Variants in GK5 observed in about 807,000 individuals in gnomAD.
GK5 encodes ATP:glycerol 3-phosphotransferase 5.
A neutral mutation model predicts 77.3 loss-of-function variants in GK5; 39 were observed. That is an observed-to-expected ratio of 0.50 (90% CI 0.39 to 0.66). GK5 has a LOEUF of 0.66. Ranked by LOEUF, GK5 falls within the 30% of genes least tolerant of loss-of-function variation. The pLI is 0.00. For synonymous variants in GK5, 211 were observed against 208.0 expected (o/e 1.01, Z -0.13); for missense variants, 487 against 633.8 (o/e 0.77, Z 2.49).
intron 4 of GK5, among the ~76,000 whole-genome samples, chr3:142,200,625 A>C (rs545134893): frequency 6.6e-6 from 1 of 152,350 alleles, no homozygotes; most frequent in Admixed American, 6.5e-5. Context: ...TATACACCCT[A>C]CACTATTCTC....
rs1342546449 is a variant in GK5, at chr3:142,159,851, C to CTTTTTTTTTTTT, written c.*5770_*5771insAAAAAAAAAAAA. On this transcript the variant is annotated 3_prime_UTR_variant, in exon 16 of 16. Coordinates refer to ENST00000392993, the MANE Select transcript of GK5 (RefSeq NM_001039547.3). Reference sequence around the variant, plus strand: ...GCTTTCTCTCTCTCTCTCTCTCTCTCTCTTTTTTTTTTTTGAGACAGAGTC... The same window carrying CTTTTTTTTTTTT: ...GCTTTCTCTCTCTCTCTCTCTCTCTCTTTTTTTTTTTTTCTTTTTTTTTTTTGAGACAGAGTC... 2 of 86,978 alleles carry CTTTTTTTTTTTT rather than the reference C, an allele frequency of 2.3e-5. No homozygotes were observed. Among genetic ancestry groups the CTTTTTTTTTTTT allele is most frequent in the African/African-American group, 9.0e-5 (2 of 22,114 alleles). The allele number at this position is 86,978 out of a possible 1,614,324, so 5.4% of individuals were successfully genotyped here. A position where few individuals can be genotyped will look rare whatever the true frequency, so the allele number is the denominator to read the frequency against.
chr3:142,171,239 T>C (rs543068124), intron 14 of GK5, among the ~76,000 whole-genome samples, 180 bp downstream of exon 14: 1 of 144,080 alleles, frequency 6.9e-6, no homozygotes, highest in Admixed American at 6.8e-5. Flanking sequence ...TCGATAAAAA[T>C]ACAAATTAAA....
rs148120458 is a variant in GK5 at position 142,165,694 on chromosome 3, T to C, written c.1518A>G (p.Gln506=). 68 of 1,613,428 alleles carry C rather than the reference T, an allele frequency of 4.2e-5. No homozygotes were observed. Among genetic ancestry groups the C allele is most frequent in the Non-Finnish European group, 5.7e-5 (67 of 1,179,586 alleles). ...AGTTTTCCAGACTCATTTCATATTCTTGACATTTCTTCTGTGGCTTGAAAA... is the reference window on the plus strand; with the variant it reads ...AGTTTTCCAGACTCATTTCATATTCCTGACATTTCTTCTGTGGCTTGAAAA... The part of the protein sequence containing the change: ...EVVFKPQKKC[Q]EYEMSLENWA... The change falls in exon 16 of 16, where the codon CAA becomes CAG. Residue 506 remains glutamine (Q), a synonymous_variant. Coordinates refer to ENST00000392993, the MANE Select transcript of GK5 (RefSeq NM_001039547.3).
intron 1 of GK5, among the ~76,000 whole-genome samples, chr3:142,217,631 C>T (rs2064290667): frequency 6.6e-6 from 1 of 152,064 alleles, no homozygotes; most frequent in Admixed American, 6.6e-5. Context: ...CTAAAAGCTG[C>T]CCAAGTTCAG....
At chr3:142,208,523 C>T (rs1410150450) in intron 3 of GK5, among the ~76,000 whole-genome samples, 1 of 152,176 alleles carries the variant, frequency 6.6e-6, no homozygotes, top group African/African-American at 2.4e-5. Context: ...GTTCAGTTTT[C>T]CCAGCACCAT....
At chr3:142,179,138 T>G (rs2063660680) in intron 11 of GK5, among the ~76,000 whole-genome samples, 1 of 152,228 alleles carries the variant, frequency 6.6e-6, no homozygotes, top group African/African-American at 2.4e-5. Flanking sequence ...ATTGCTGGCT[T>G]TAGAGAGCCT....
chr3:142,167,363 G>A (rs968804883), intron 15 of GK5, among the ~76,000 whole-genome samples: 15 of 150,642 alleles, frequency 1.0e-4, no homozygotes, highest in Admixed American at 6.6e-5. Flanking sequence ...TACAGAGTGA[G>A]ACTCCATCTC....
At chr3:142,225,224 G>A (rs2064410753) in intron 1 of GK5, 85 bp downstream of exon 1, 1 of 1,382,608 alleles carries the variant, frequency 7.2e-7, no homozygotes, top group Non-Finnish European at 9.5e-7. Context: ...GGTAGGTGGG[G>A]CCTGCCCGCT....
chr3:142,204,286 G>A (rs2064070203), intron 4 of GK5: 1 of 248,170 alleles, frequency 4.0e-6, no homozygotes, highest in African/African-American at 2.3e-5. Flanking sequence ...CCAAAGTGTT[G>A]AGATTACAGG....
At chr3:142,193,119 T>C (rs1475792207) in intron 5 of GK5, among the ~76,000 whole-genome samples, 3 of 152,104 alleles carry the variant, frequency 2.0e-5, no homozygotes, top group Non-Finnish European at 1.5e-5. Context: ...TCCATATTGG[T>C]TCATTAATTG....
chr3:142,198,750 T>C (rs2063972748), intron 5 of GK5, 52 bp downstream of exon 5: 7 of 1,487,750 alleles, frequency 4.7e-6, no homozygotes, highest in Non-Finnish European at 6.3e-6. Flanking sequence ...ATAGTCTTTA[T>C]ATGGTTTCCA....
In GK5 at chr3:142,159,329, A is replaced by C. The variant is rs886908724; in HGVS notation, c.*6293T>G. On this transcript the variant is annotated 3_prime_UTR_variant, in exon 16 of 16. Transcript: ENST00000392993. ...TTTGGCTGTTTCTTATAAAGATAAG[A>C]TTCATTTAAATGGGAGTCTCTATAT... is the stretch of plus-strand genomic sequence containing the variant. The C allele has an allele frequency of 6.6e-6, 1 of 152,228 alleles. No individual in the cohort carries two copies. The highest frequency in any genetic ancestry group is 1.5e-5 in the Non-Finnish European group (1 of 68,044). 9.4% of individuals were successfully genotyped at this position (152,228 alleles called of 1,614,324 possible).
chr3:142,225,247 C>T, intron 1 of GK5, 62 bp downstream of exon 1: 1 of 1,445,614 alleles, frequency 6.9e-7, no homozygotes, highest in East Asian at 2.9e-5. Context: ...CCTCCCGAGG[C>T]CGGACCCCGG....
intron 1 of GK5, among the ~76,000 whole-genome samples, chr3:142,219,194 T>G (rs2064311511): frequency 6.6e-6 from 1 of 152,196 alleles, no homozygotes; most frequent in Non-Finnish European, 1.5e-5. Context: ...ATCCCACTCC[T>G]AGGTATTTAC....
At chr3:142,189,288 T>C (rs2063816623) in intron 5 of GK5, among the ~76,000 whole-genome samples, 2 of 152,240 alleles carry the variant, frequency 1.3e-5, no homozygotes, top group South Asian at 4.1e-4. Context: ...AGATAAATTA[T>C]ACTTTAATAG....
rs138022219 is a variant in GK5, at chr3:142,186,232, C to T, written c.717G>A (p.Ser239=). 5.6e-6 allele frequency: 9 copies of T among 1,606,206 alleles called. No homozygotes were observed. The highest frequency in any genetic ancestry group is 1.3e-5 in the African/African-American group (1 of 74,688). ...CWSGMITSLI[S]IPLSLLPPVR... The stretch of plus-strand genomic sequence containing the variant: ...CAGGAGGTAGGAGAGAAAGTGGTAT[C>T]GAAATTAGAGAGGTAATCATCCCAC... Residue 239 remains serine, a synonymous_variant, in exon 8 of 16, where the codon TCG becomes TCA. Coordinates refer to ENST00000392993, the MANE Select transcript of GK5 (RefSeq NM_001039547.3).
rs565563463 is a variant in GK5, at chr3:142,164,403, T to C, written c.*1219A>G. The C allele has an allele frequency of 5.3e-5, 8 of 152,256 alleles. No homozygotes were observed. In the South Asian group the frequency reaches 1.5e-3, roughly 28 times the overall value. The allele number at this position is 152,256 out of a possible 1,614,324, so 9.4% of individuals were successfully genotyped here. A position where few individuals can be genotyped will look rare whatever the true frequency, so the allele number is the denominator to read the frequency against. Reference sequence around the variant, plus strand: ...GGGAGGGGCAAATAAAGTGAAAACATGTTGGAAGGTGGGGTCAACTGCCTT... The same window carrying C: ...GGGAGGGGCAAATAAAGTGAAAACACGTTGGAAGGTGGGGTCAACTGCCTT... On this transcript the variant is annotated 3_prime_UTR_variant, in exon 16 of 16. Coordinates refer to ENST00000392993, the MANE Select transcript of GK5 (RefSeq NM_001039547.3).
At chr3:142,213,630 T>C in intron 2 of GK5, 29 bp from the exon 3 acceptor site, 1 of 1,401,674 alleles carries the variant, frequency 7.1e-7, no homozygotes. Flanking sequence ...AAAACACATG[T>C]TTTAAAGCCA....
chr3:142,194,619 AG>A (rs2063906297), intron 5 of GK5, among the ~76,000 whole-genome samples: 1 of 151,804 alleles, frequency 6.6e-6, no homozygotes, highest in Admixed American at 6.6e-5. Context: ...TTGAGCCTGG[AG>A]GTTGAGACTA....
Sources: gnomAD v4.1 joint callset for allele counts (sites outside exome capture counted in the v4.1 genomes callset) on GRCh38, gnomAD v4.1.1 for gene constraint, MANE v1.5 for transcripts, NCBI Gene and HGNC (gene_info 2026-07-23, HGNC 2026-07-21) for gene names.